Variants in CSMD1 observed in about 807,000 individuals in gnomAD.
CSMD1 encodes the protein CUB and sushi domain-containing protein 1.
In CSMD1, 213 loss-of-function variants were observed where a neutral mutation model predicts 417.5. The observed-to-expected ratio is 0.51, with a 90% CI of 0.46 to 0.57. The LOEUF (loss-of-function observed/expected upper bound fraction) is 0.57. Ranked by LOEUF, CSMD1 falls within the 20% of genes least tolerant of loss-of-function variation. The pLI is 0.00. For synonymous variants in CSMD1, 2,862 were observed against 1,736.8 expected, an observed-to-expected ratio of 1.65 and a Z score of -16.11; for missense variants, 6,923 against 4,529.7, an observed-to-expected ratio of 1.53 and a Z score of -15.17.
chr8:4,728,362 C>T (rs1178420940), intron 1 of CSMD1, among the ~76,000 whole-genome samples: 2 of 151,864 alleles, frequency 1.3e-5, no homozygotes, highest in Admixed American at 1.3e-4. Flanking sequence ...ATTTGGTCCT[C>T]ATTACATGAT....
chr8:4,067,153 G>A (rs117547580), intron 3 of CSMD1, among the ~76,000 whole-genome samples: 1,948 of 152,334 alleles, frequency 0.013, 26 homozygotes, highest in Non-Finnish European at 0.02. Context: ...CAAAGGGAAA[G>A]CAAGGATGAA....
intron 23 of CSMD1, among the ~76,000 whole-genome samples, chr8:3,322,655 C>T (rs1459754041): frequency 1.3e-5 from 2 of 152,282 alleles, no homozygotes; most frequent in East Asian, 3.9e-4. Context: ...GGTCACCTGG[C>T]CTCCAGGTGT....
intron 5 of CSMD1, among the ~76,000 whole-genome samples, chr8:3,870,607 C>G (rs2129112144): frequency 6.6e-6 from 1 of 152,222 alleles, no homozygotes; most frequent in Non-Finnish European, 1.5e-5. Flanking sequence ...CAAACTCTTC[C>G]AATATGTTTA....
chr8:3,810,259 G>A (rs371293902), intron 5 of CSMD1, among the ~76,000 whole-genome samples: 2 of 152,064 alleles, frequency 1.3e-5, no homozygotes, highest in South Asian at 4.1e-4. Context: ...AAGGAATGCT[G>A]GTACTTCCAT....
At chr8:3,762,619 C>A (rs151236726) in intron 5 of CSMD1, among the ~76,000 whole-genome samples, 18 of 152,206 alleles carry the variant, frequency 1.2e-4, no homozygotes, top group African/African-American at 2.9e-4. Context: ...GGCCCTAAGC[C>A]GCTCTTGTCT....
At chr8:4,094,778 C>T (rs1300455584) in intron 3 of CSMD1, among the ~76,000 whole-genome samples, 5 of 152,196 alleles carry the variant, frequency 3.3e-5, no homozygotes, top group African/African-American at 4.8e-5. Context: ...GCTAACACTG[C>T]GCATGGAGTA....
At position 3,404,618 on chromosome 8, in the gene CSMD1, A is replaced by G. The variant is rs894584695; in HGVS notation, c.2266+1409T>C. 2.0e-5 allele frequency among the ~76,000 whole-genome samples: 3 copies of G among 152,340 alleles called. No individual in the cohort carries two copies. The East Asian group carries it at 5.8e-4, about 29-fold the overall frequency. On this transcript the variant is annotated intron_variant, in intron 15 of 69. Transcript: ENST00000635120. Reference sequence around the variant, plus strand: ...ATATTCCTGTTCTATTCACTTATTAAAAATAAATACATGTTGACTAAAGAC... The same window carrying G: ...ATATTCCTGTTCTATTCACTTATTAGAAATAAATACATGTTGACTAAAGAC...
chr8:3,615,312 C>T (rs893106427), intron 8 of CSMD1, among the ~76,000 whole-genome samples: 1 of 152,164 alleles, frequency 6.6e-6, no homozygotes, highest in Non-Finnish European at 1.5e-5. Context: ...TGGAAACAGA[C>T]TGAAGTGAGT....
At chr8:3,060,127 G>C (rs1319755392) in intron 49 of CSMD1, among the ~76,000 whole-genome samples, 1 of 151,244 alleles carries the variant, frequency 6.6e-6, no homozygotes, top group Non-Finnish European at 1.5e-5. Context: ...TATACATTGA[G>C]CCTGTCCTAA....
intron 1 of CSMD1, among the ~76,000 whole-genome samples, chr8:4,937,969 C>T (rs1807735385): frequency 6.6e-6 from 1 of 152,138 alleles, no homozygotes; most frequent in Non-Finnish European, 1.5e-5. Flanking sequence ...CTGTTTTCAA[C>T]AGTAGTTTTA....
At chr8:3,499,491 C>G (rs1218719587) in intron 10 of CSMD1, among the ~76,000 whole-genome samples, 1 of 152,072 alleles carries the variant, frequency 6.6e-6, no homozygotes, top group East Asian at 1.9e-4. Context: ...AGCAACTCCA[C>G]TGCTTGGAGT....
At chr8:4,767,048 G>T (rs1427429475) in intron 1 of CSMD1, among the ~76,000 whole-genome samples, 1 of 152,068 alleles carries the variant, frequency 6.6e-6, no homozygotes, top group Non-Finnish European at 1.5e-5. Flanking sequence ...TACCTTTCAG[G>T]AAATACTGCT....
intron 1 of CSMD1, among the ~76,000 whole-genome samples, chr8:4,800,260 T>C (rs899221990): frequency 6.6e-6 from 1 of 151,590 alleles, no homozygotes; most frequent in Non-Finnish European, 1.5e-5. Context: ...CAAAACCCAA[T>C]CGCAACTAAA....
intron 10 of CSMD1, among the ~76,000 whole-genome samples, chr8:3,518,802 C>G (rs1797385614): frequency 6.6e-6 from 1 of 152,114 alleles, no homozygotes; most frequent in Admixed American, 6.6e-5. Context: ...GAACTAGACA[C>G]CATGCAAACT....
At chr8:3,544,353 C>T (rs1454680701) in intron 10 of CSMD1, among the ~76,000 whole-genome samples, 2 of 152,046 alleles carry the variant, frequency 1.3e-5, no homozygotes, top group Non-Finnish European at 2.9e-5. Flanking sequence ...TTATCACAAA[C>T]CCTTGTAGCA....
chr8:4,565,318 G>T (rs751518442), intron 2 of CSMD1, among the ~76,000 whole-genome samples: 1 of 152,236 alleles, frequency 6.6e-6, no homozygotes, highest in Non-Finnish European at 1.5e-5. Context: ...GTCTTAGGCA[G>T]TGATGGCTAA....
At chr8:3,597,308 C>A (rs1439163103) in intron 8 of CSMD1, among the ~76,000 whole-genome samples, 1 of 152,142 alleles carries the variant, frequency 6.6e-6, no homozygotes, top group African/African-American at 2.4e-5. Flanking sequence ...CTGAGCACAG[C>A]TTCCCAGCAC....
chr8:4,721,389 A>C (rs951763154), intron 1 of CSMD1, among the ~76,000 whole-genome samples: 2 of 152,194 alleles, frequency 1.3e-5, no homozygotes, highest in South Asian at 4.1e-4. Context: ...AAGAATCATC[A>C]AATATAAAAA....
intron 3 of CSMD1, among the ~76,000 whole-genome samples, chr8:4,310,994 A>T (rs1329344698): frequency 1.3e-5 from 2 of 152,236 alleles, no homozygotes; most frequent in Non-Finnish European, 1.5e-5. Context: ...AAAAGTACAA[A>T]GATAATAGAA....
Sources: allele counts gnomAD v4.1 joint callset (sites outside exome capture counted in the v4.1 genomes callset), GRCh38; gene constraint gnomAD v4.1.1; transcripts MANE v1.5; gene names NCBI Gene and HGNC (gene_info 2026-07-23, HGNC 2026-07-21).